Variants in SUPT6H observed in about 807,000 individuals in gnomAD.
The protein encoded by SUPT6H is transcription elongation factor SPT6.
In SUPT6H, 11 loss-of-function variants were observed where a neutral mutation model predicts 222.3. That is an observed-to-expected ratio of 0.05 (90% CI 0.03 to 0.08). The LOEUF (loss-of-function observed/expected upper bound fraction) is 0.08. SUPT6H is among the 10% of genes least tolerant of loss of function. The pLI, the probability that SUPT6H is intolerant of heterozygous loss-of-function variation, is 1.00. For missense variants in SUPT6H, 1,422 were observed against 2,216.0 expected, an observed-to-expected ratio of 0.64 and a Z score of 7.19; for synonymous variants, 762 against 801.2, an observed-to-expected ratio of 0.95 and a Z score of 0.83.
intron 32 of SUPT6H, among the ~76,000 whole-genome samples, chr17:28,699,415 T>C (rs1045704097): frequency 1.3e-5 from 2 of 152,190 alleles, no homozygotes; most frequent in Admixed American, 1.3e-4. Context: ...GAAAGATGCC[T>C]GCTTTAGGGG....
chr17:28,673,166 A>G (rs74928236), intron 1 of SUPT6H, among the ~76,000 whole-genome samples: 63 of 151,924 alleles, frequency 4.1e-4, no homozygotes, highest in Admixed American at 1.3e-3. Flanking sequence ...AAAAAAAAAA[A>G]AGTACATATG....
intron 7 of SUPT6H, among the ~76,000 whole-genome samples, chr17:28,676,791 A>G (rs2030774290): frequency 1.3e-5 from 2 of 151,664 alleles, no homozygotes; most frequent in Admixed American, 1.3e-4. Flanking sequence ...GCTGGTTGTG[A>G]TGGTGCACAC....
At chr17:28,672,412 CT>C (rs994806723) in intron 1 of SUPT6H, among the ~76,000 whole-genome samples, 11 of 150,652 alleles carry the variant, frequency 7.3e-5, no homozygotes, top group African/African-American at 2.7e-4. Context: ...TTTTTCTTTT[CT>C]TTTTTTTTCT....
At chr17:28,699,973 G>A in intron 33 of SUPT6H, 80 bp downstream of exon 33, 1 of 1,449,658 alleles carries the variant, frequency 6.9e-7, no homozygotes, top group South Asian at 1.1e-5. Flanking sequence ...CCAGCCTAGG[G>A]GACCAGGTGA....
intron 35 of SUPT6H, 44 bp from the exon 36 acceptor site, chr17:28,700,897 C>A: frequency 6.4e-7 from 1 of 1,563,772 alleles, no homozygotes. Context: ...CAAGGCCAAA[C>A]AAGCCCCACA....
chr17:28,672,773 G>T (rs939979798), intron 1 of SUPT6H: 1 of 151,898 alleles, frequency 6.6e-6, no homozygotes, highest in African/African-American at 2.4e-5. Context: ...ATGCAGTGGC[G>T]CAATCTGCAA....
At chr17:28,673,614 A>G (rs1263505534) in intron 2 of SUPT6H, 104 bp downstream of exon 2, 3 of 812,176 alleles carry the variant, frequency 3.7e-6, no homozygotes, top group Admixed American at 2.2e-5. Context: ...GTTATCACAC[A>G]TGAGGTACCA....
At position 28,699,830 on chromosome 17, in the gene SUPT6H, A is replaced by G; in HGVS notation, c.4498A>G (p.Ile1500Val). 2 of 1,614,204 alleles carry G rather than the reference A, an allele frequency of 1.2e-6. No individual in the cohort carries two copies. Among genetic ancestry groups the G allele is most frequent in the Non-Finnish European group, 8.5e-7 (1 of 1,180,046 alleles). Residue 1500 changes from isoleucine to valine, a missense_variant, in exon 33 of 37, where the codon ATC becomes GTC. Transcript: ENST00000314616. ...TPEGFRYRGQIFPTVNGLFRW... is the reference protein window; with the variant it reads ...TPEGFRYRGQVFPTVNGLFRW... ...AGAGGGATTCCGGTACCGGGGCCAG[A>G]TCTTCCCAACCGTGAATGGACTGTT... is the stretch of plus-strand genomic sequence containing the variant.
chr17:28,684,522 C>G, intron 17 of SUPT6H, 64 bp from the exon 18 acceptor site: 1 of 1,597,232 alleles, frequency 6.3e-7, no homozygotes, highest in South Asian at 1.1e-5. Flanking sequence ...CCATAGCACT[C>G]TTGGTGAGCC....
chr17:28,675,581 C>T (rs2030697472), intron 6 of SUPT6H, 96 bp downstream of exon 6: 1 of 1,320,298 alleles, frequency 7.6e-7, no homozygotes. Flanking sequence ...TGGGGCATTC[C>T]CAGCTTGCAG....
At chr17:28,675,814 G>A (rs1049779372) in intron 6 of SUPT6H, among the ~76,000 whole-genome samples, 23 of 152,082 alleles carry the variant, frequency 1.5e-4, no homozygotes, top group African/African-American at 4.6e-4. Flanking sequence ...ACAAATGCCC[G>A]CATCACAATT....
At chr17:28,664,015 C>T (rs560109695) in intron 1 of SUPT6H, among the ~76,000 whole-genome samples, 1 of 151,502 alleles carries the variant, frequency 6.6e-6, no homozygotes, top group Non-Finnish European at 1.5e-5. Flanking sequence ...TTATCAAGGT[C>T]ACCAGTGACT....
At chr17:28,695,048 C>A in intron 28 of SUPT6H, 2 of 302,718 alleles carry the variant, frequency 6.6e-6, no homozygotes, top group South Asian at 1.0e-4. Flanking sequence ...TTGATGGCAC[C>A]TTGGGAGCAG....
At position 28,681,935 on chromosome 17, in the gene SUPT6H, G is replaced by T. The variant is rs1203776006; in HGVS notation, c.1552G>T (p.Ala518Ser). Residue 518 changes from alanine to serine, a missense_variant, in exon 13 of 37, where the codon GCC (alanine) becomes TCC (serine). Physicochemically the swap from Ala to Ser is moderately conservative, Grantham distance 99. Transcript: ENST00000314616. Reference protein sequence around the residue: ...EEQRGPELKQASRRDMYTICQ... With the variant: ...EEQRGPELKQSSRRDMYTICQ... ...GCAGAGGGGGCCTGAGCTCAAGCAA[G>T]CCTCTCGCCGAGACATGTACACCAT... 1 of 1,609,700 alleles carries T rather than the reference G, an allele frequency of 6.2e-7. No homozygotes were observed. Among genetic ancestry groups the T allele is most frequent in the Non-Finnish European group, 8.5e-7 (1 of 1,178,854 alleles).
intron 32 of SUPT6H, among the ~76,000 whole-genome samples, chr17:28,698,803 G>A (rs1014371204): frequency 9.9e-5 from 15 of 152,248 alleles, no homozygotes; most frequent in East Asian, 3.8e-4. Context: ...ACTCTGTACC[G>A]TGTGCCATCT....
chr17:28,682,623 A>G (rs1220016147), intron 13 of SUPT6H, 104 bp from the exon 14 acceptor site: 5 of 1,492,210 alleles, frequency 3.4e-6, no homozygotes, highest in Non-Finnish European at 4.6e-6. Context: ...CGTCTCAGGA[A>G]AATAAAAAAG....
chr17:28,697,736 A>T lies in SUPT6H; in HGVS notation c.4323+3A>T. 1 of 1,614,016 alleles carries T rather than the reference A, an allele frequency of 6.2e-7. No individual in the cohort carries two copies. Among genetic ancestry groups the T allele is most frequent in the African/African-American group, 1.3e-5 (1 of 75,052 alleles). On this transcript the variant is annotated splice_donor_region_variant and intron_variant, in intron 31 of 36. Transcript: ENST00000314616. Reference sequence around the variant, plus strand: ...ACTGCAGCGGTGGGGACCGCAAGGTAAGCCCAGGGCCCTCTGAGGAATGAC... The same window carrying T: ...ACTGCAGCGGTGGGGACCGCAAGGTTAGCCCAGGGCCCTCTGAGGAATGAC...
rs941531462 is a variant in SUPT6H, at chr17:28,686,723, A to G, written c.2634A>G (p.Ser878=). ...VHELDQGQQL[S]SIGVELVDNE... ...AGCTGGACCAGGGCCAGCAGCTGTC[A>G]TCTATTGGGGTAGAGCTGGTTGACA... Residue 878 remains serine (S), a synonymous_variant, in exon 21 of 37, where the codon TCA becomes TCG. Coordinates refer to ENST00000314616, the MANE Select transcript of SUPT6H (RefSeq NM_003170.5). 8.1e-6 allele frequency: 13 copies of G among 1,612,710 alleles called. No individual in the cohort carries two copies. The Admixed American group carries it at 1.7e-4, about 21-fold the overall frequency.
At chr17:28,694,280 G>C (rs899100800) in intron 28 of SUPT6H, among the ~76,000 whole-genome samples, 4 of 152,190 alleles carry the variant, frequency 2.6e-5, no homozygotes. Context: ...AAGGAACCTT[G>C]AGATGGTGTC....
Sources: allele counts gnomAD v4.1 joint callset (sites outside exome capture counted in the v4.1 genomes callset), GRCh38; gene constraint gnomAD v4.1.1; transcripts MANE v1.5; gene names NCBI Gene and HGNC (gene_info 2026-07-23, HGNC 2026-07-21).